Variants in UGT2B11 observed in about 807,000 individuals in gnomAD.
UGT2B11 encodes UDP-glucuronosyltransferase 2B11.
In UGT2B11, 49 loss-of-function variants were observed where a neutral mutation model predicts 51.7. The observed-to-expected ratio is 0.95, with a 90% CI of 0.75 to 1.20. The LOEUF is 1.20. Ranked by LOEUF, UGT2B11 falls within the 50% of genes most tolerant of loss-of-function variation. The probability of loss-of-function intolerance (pLI) is 0.00; values close to 1 mark genes in which losing one functional copy is unlikely to be tolerated. For missense variants in UGT2B11, 810 were observed against 622.1 expected, an observed-to-expected ratio of 1.30 and a Z score of -3.21; for synonymous variants, 273 against 209.0, an observed-to-expected ratio of 1.31 and a Z score of -2.64.
At position 69,200,214 on chromosome 4, in the gene UGT2B11, T is replaced by C. The variant is rs1342474400; in HGVS notation, c.*226A>G. ...ATGGCTTTATATTATTTTTTAATTTTCCTAGTATTTTCTTCATTGCCACAA... is the reference window on the plus strand; with the variant it reads ...ATGGCTTTATATTATTTTTTAATTTCCCTAGTATTTTCTTCATTGCCACAA... On this transcript the variant is annotated 3_prime_UTR_variant, in exon 6 of 6. Transcript: ENST00000446444. 1 of 481,122 alleles carries C rather than the reference T, an allele frequency of 2.1e-6. No homozygotes were observed. Among genetic ancestry groups the C allele is most frequent in the Non-Finnish European group, 3.2e-6 (1 of 316,286 alleles). 29.8% of individuals were successfully genotyped at this position (481,122 alleles called of 1,614,324 possible).
Position 69,214,164 on chromosome 4 carries a change from G to A in UGT2B11, c.559C>T (p.Leu187=). The A allele has an allele frequency of 1.2e-6, 2 of 1,612,790 alleles. No homozygotes were observed. The highest frequency in any genetic ancestry group is 8.5e-7 in the Non-Finnish European group (1 of 1,179,310). The change falls in exon 1 of 6, where the codon CTG becomes TTG. Residue 187 remains leucine, a synonymous_variant. Coordinates refer to ENST00000446444, the MANE Select transcript of UGT2B11 (RefSeq NM_001073.3). Reference sequence around the variant, plus strand: ...GGTATGTAGGAAGGAGGGAAAATCAGTCCTCCACTGTGCCTTTCAATTGTG... The same window carrying A: ...GGTATGTAGGAAGGAGGGAAAATCAATCCTCCACTGTGCCTTTCAATTGTG... ...GYTIERHSGG[L]IFPPSYIPIV... is the part of the protein sequence containing the mutation.
chr4:69,205,298 G>T (rs544798926), intron 4 of UGT2B11, among the ~76,000 whole-genome samples, 182 bp downstream of exon 4: 1 of 151,860 alleles, frequency 6.6e-6, no homozygotes, highest in African/African-American at 2.4e-5. Context: ...TGACCATAAA[G>T]AATGTGATTA....
chr4:69,219,545 G>C (rs979102712), upstream of UGT2B11, among the ~76,000 whole-genome samples: 18 of 152,096 alleles, frequency 1.2e-4, no homozygotes, highest in Non-Finnish European at 2.5e-4. Flanking sequence ...ACCCGAGACT[G>C]GGTAATTTAA....
At chr4:69,217,201 C>T (rs1052407800), upstream of UGT2B11, among the ~76,000 whole-genome samples, 1 of 152,098 alleles carries the variant, frequency 6.6e-6, no homozygotes, top group Non-Finnish European at 1.5e-5. Context: ...TACTCCTGAA[C>T]TTGTTTCACA....
At chr4:69,207,095 A>G (rs1378300190) in intron 3 of UGT2B11, among the ~76,000 whole-genome samples, 1 of 151,558 alleles carries the variant, frequency 6.6e-6, no homozygotes, top group East Asian at 1.9e-4. Flanking sequence ...GAAATGAGGA[A>G]CCTTTTGGTA....
intron 5 of UGT2B11, 185 bp downstream of exon 5, chr4:69,204,245 G>C (rs1415545947): frequency 2.2e-6 from 2 of 897,324 alleles, no homozygotes; most frequent in Admixed American, 3.3e-5. Flanking sequence ...TTACTCATTA[G>C]ATGTATGGGA....
upstream of UGT2B11, chr4:69,215,598 A>T (rs1307827946): frequency 2.6e-5 from 4 of 151,986 alleles, no homozygotes; most frequent in Non-Finnish European, 5.9e-5. Context: ...ATGTGCATGA[A>T]TTCTGTGGAC....
Position 69,214,564 on chromosome 4 carries a change from C to T in UGT2B11, c.159G>A (p.Val53=), listed in dbSNP as rs763736472. Residue 53 remains valine, a synonymous_variant, in exon 1 of 6, where the codon GTG becomes GTA. Coordinates refer to ENST00000446444, the MANE Select transcript of UGT2B11 (RefSeq NM_001073.3). ...TGGAAGCTGAAGATGCCAGTACAGTCACCTCATGACCTCTCTGAACAAGCT... is the reference window on the plus strand; with the variant it reads ...TGGAAGCTGAAGATGCCAGTACAGTTACCTCATGACCTCTCTGAACAAGCT... The part of the protein sequence containing the change: ...LKELVQRGHE[V]TVLASSASIL... 4.3e-6 allele frequency: 7 copies of T among 1,613,298 alleles called. No homozygotes were observed. The South Asian group carries it at 7.7e-5, about 18-fold the overall frequency.
chr4:69,205,405 T>G, intron 4 of UGT2B11, 75 bp downstream of exon 4: 7 of 1,543,576 alleles, frequency 4.5e-6, no homozygotes. Context: ...ATAACAAATA[T>G]TCAATAAGCA....
At chr4:69,207,919 G>A (rs183070123) in intron 3 of UGT2B11, among the ~76,000 whole-genome samples, 92 of 151,730 alleles carry the variant, frequency 6.1e-4, no homozygotes, top group Non-Finnish European at 1.1e-3. Context: ...CTACAAAGAT[G>A]CAGTTCTGGA....
chr4:69,202,394 G>T (rs1278257096), intron 5 of UGT2B11, among the ~76,000 whole-genome samples: 1 of 151,622 alleles, frequency 6.6e-6, no homozygotes, highest in Non-Finnish European at 1.5e-5. Context: ...AAAATTTAAA[G>T]ATATTTTAGT....
chr4:69,208,113 C>G (rs1265067834), intron 3 of UGT2B11, among the ~76,000 whole-genome samples: 1 of 151,526 alleles, frequency 6.6e-6, no homozygotes, highest in Admixed American at 6.6e-5. Flanking sequence ...TGAGTTCCCA[C>G]TGATACTAAT....
the UGT2B11 span, among the ~76,000 whole-genome samples, chr4:69,220,851 C>T: frequency 1.3e-5 from 2 of 152,240 alleles, no homozygotes; most frequent in South Asian, 4.2e-4. Context: ...GTCTAGGGCT[C>T]TCCGATTTTG....
chr4:69,223,156 C>T, the UGT2B11 span, among the ~76,000 whole-genome samples: 1 of 152,160 alleles, frequency 6.6e-6, no homozygotes, highest in Non-Finnish European at 1.5e-5. Context: ...CCACGTTTCT[C>T]CATTTTGTAA....
chr4:69,219,111 A>C (rs561068476), upstream of UGT2B11, among the ~76,000 whole-genome samples: 4 of 152,134 alleles, frequency 2.6e-5, no homozygotes, highest in African/African-American at 9.6e-5. Context: ...ATCCACACTC[A>C]GTATTTTCTC....
intron 5 of UGT2B11, 99 bp from the exon 6 acceptor site, chr4:69,200,818 A>G (rs956578096): frequency 9.3e-6 from 12 of 1,295,380 alleles, no homozygotes; most frequent in African/African-American, 3.0e-5. Flanking sequence ...ATAATTCAAA[A>G]TAAATGTCAA....
chr4:69,216,749 T>C (rs1722284694), upstream of UGT2B11: 1 of 152,000 alleles, frequency 6.6e-6, no homozygotes, highest in African/African-American at 2.4e-5. Flanking sequence ...AGCAAGTGAA[T>C]AAAGAAAAGG....
chr4:69,205,502 C>T lies in UGT2B11; in HGVS notation c.1068G>A (p.Trp356Ter). Reference protein sequence around the residue: ...ALGLNTRLYKWIPQNDLLGHP... With the variant: ...ALGLNTRLYK ...TACCTAGAAGGTCATTCTGGGGTAT[C>T]CACTTGTACAGCCGAGTATTGAGAC... is the stretch of plus-strand genomic sequence containing the variant. The change falls in exon 4 of 6, where the codon TGG (tryptophan) becomes TGA (stop). Residue 356 changes from tryptophan to a stop codon, truncating the protein, a stop_gained. Transcript: ENST00000446444. LOFTEE classifies it high-confidence loss of function. 6.2e-7 allele frequency: 1 copy of T among 1,610,744 alleles called. No homozygotes were observed. Among genetic ancestry groups the T allele is most frequent in the Non-Finnish European group, 8.5e-7 (1 of 1,177,926 alleles).
In UGT2B11 at chr4:69,208,400, G is replaced by T. The variant is rs1721937950; in HGVS notation, c.953C>A (p.Ala318Glu). The change falls in exon 3 of 6, where the codon GCA becomes GAA. Residue 318 changes from alanine to glutamate, a missense_variant. Transcript: ENST00000446444. ...SLGSVISNMT[A>E]ERANVIATAL... ...TGTTGCAATTACATTGGCCCTTTCTGCTGTCATGTTACTTATCACTGACCC... is the reference window on the plus strand; with the variant it reads ...TGTTGCAATTACATTGGCCCTTTCTTCTGTCATGTTACTTATCACTGACCC... The T allele has an allele frequency of 6.2e-7, 1 of 1,610,754 alleles. No homozygotes were observed. Among genetic ancestry groups the T allele is most frequent in the East Asian group, 2.2e-5 (1 of 44,746 alleles).
Sources: gnomAD v4.1 joint callset for allele counts (sites outside exome capture counted in the v4.1 genomes callset) on GRCh38, gnomAD v4.1.1 for gene constraint, MANE v1.5 for transcripts, NCBI Gene and HGNC (gene_info 2026-07-23, HGNC 2026-07-21) for gene names.